The following SYTL2 variants were observed in gnomAD, a reference collection of about 807,000 sequenced individuals.
SYTL2 encodes synaptotagmin like 2.
In SYTL2, 165 loss-of-function variants were observed where a neutral mutation model predicts 198.7. That is an observed-to-expected ratio of 0.83 (90% CI 0.73 to 0.94). The LOEUF is 0.94. SYTL2 is among the 40% of genes least tolerant of loss of function. The pLI, the probability that SYTL2 is intolerant of heterozygous loss-of-function variation, is 0.00. For missense variants in SYTL2, 2,835 were observed against 2,582.8 expected (o/e 1.10, Z -2.12); for synonymous variants, 966 against 917.7 (o/e 1.05, Z -0.95).
At chr11:85,741,967 T>G (rs2090823724) in intron 4 of SYTL2, among the ~76,000 whole-genome samples, 1 of 152,120 alleles carries the variant, frequency 6.6e-6, no homozygotes, top group Non-Finnish European at 1.5e-5. Context: ...GCAAGGAAAT[T>G]TATCATTTTC....
intron 7 of SYTL2, among the ~76,000 whole-genome samples, chr11:85,731,051 G>T (rs2089762909): frequency 6.6e-6 from 1 of 152,032 alleles, no homozygotes; most frequent in Admixed American, 6.5e-5. Context: ...ATCTCTTCAA[G>T]GAGAACTACA....
intron 1 of SYTL2, among the ~76,000 whole-genome samples, chr11:85,793,705 A>G (rs2092763627): frequency 6.6e-6 from 1 of 152,220 alleles, no homozygotes; most frequent in Non-Finnish European, 1.5e-5. Flanking sequence ...TCCAACAGAC[A>G]AAGAAATAGG....
chr11:85,731,702 G>C (rs796799079), intron 7 of SYTL2, among the ~76,000 whole-genome samples: 1 of 152,142 alleles, frequency 6.6e-6, no homozygotes, highest in Non-Finnish European at 1.5e-5. Context: ...AACACCAAAA[G>C]CAATGGCAAC....
At chr11:85,813,412 C>T (rs2093057503), upstream of SYTL2, among the ~76,000 whole-genome samples, 2 of 152,170 alleles carry the variant, frequency 1.3e-5, no homozygotes, top group African/African-American at 2.4e-5. Context: ...ATACAGTGCA[C>T]TGAAAAAGCC....
chr11:85,704,806 C>G, intron 16 of SYTL2, 52 bp downstream of exon 16: 1 of 1,499,750 alleles, frequency 6.7e-7, no homozygotes, highest in South Asian at 1.2e-5. Context: ...TTCCTATACA[C>G]TAGGTACCAC....
At position 85,700,534 on chromosome 11, in the gene SYTL2, A is replaced by T; in HGVS notation, c.6249T>A (p.Tyr2083Ter). ...ACATACCAGGGACTGGCTCTGGGAC[A>T]TACTGGAGAGCTAGTTTCATTTCAC... ...NRGEMKLALQ[Y>*]VPEPVPGKKL... The change falls in exon 17 of 20, where the codon TAT becomes TAA. Residue 2083 changes from tyrosine to a stop codon, truncating the protein, a stop_gained. Coordinates refer to ENST00000359152, the MANE Select transcript of SYTL2 (RefSeq NM_206927.4). LOFTEE classifies it high-confidence loss of function. 6.2e-7 allele frequency: 1 copy of T among 1,613,916 alleles called. No homozygotes were observed. Among genetic ancestry groups the T allele is most frequent in the Non-Finnish European group, 8.5e-7 (1 of 1,179,822 alleles).
chr11:85,815,083 T>C (rs2153669012), upstream of SYTL2, among the ~76,000 whole-genome samples: 1 of 152,294 alleles, frequency 6.6e-6, no homozygotes, highest in South Asian at 2.1e-4. Context: ...TCTCCCCACC[T>C]CATTGATACC....
At chr11:85,827,492 G>A in the SYTL2 span, among the ~76,000 whole-genome samples, 2 of 152,094 alleles carry the variant, frequency 1.3e-5, no homozygotes, top group African/African-American at 4.8e-5. Flanking sequence ...TCCAGGGGCT[G>A]TTCTCTCTGC....
intron 1 of SYTL2, among the ~76,000 whole-genome samples, chr11:85,775,777 A>C (rs1023666311): frequency 1.3e-5 from 2 of 152,182 alleles, no homozygotes; most frequent in Non-Finnish European, 2.9e-5. Flanking sequence ...CACCATGCCC[A>C]GCCCACCCTT....
intron 1 of SYTL2, among the ~76,000 whole-genome samples, chr11:85,773,946 A>G (rs2092406722): frequency 8.6e-6 from 1 of 115,814 alleles, no homozygotes; most frequent in East Asian, 2.4e-4. Flanking sequence ...GTTAGAAATG[A>G]TGTCCAGCTA....
the SYTL2 span, among the ~76,000 whole-genome samples, chr11:85,852,343 G>A: frequency 6.6e-6 from 1 of 152,092 alleles, no homozygotes; most frequent in Admixed American, 6.5e-5. Context: ...GTAAAAGAAA[G>A]TTGTCTGCCT....
chr11:85,846,127 G>C, the SYTL2 span, among the ~76,000 whole-genome samples: 2 of 152,160 alleles, frequency 1.3e-5, no homozygotes, highest in African/African-American at 4.8e-5. Context: ...ATAAGGTGGG[G>C]TCAGCTAGAA....
intron 14 of SYTL2, 47 bp from the exon 15 acceptor site, chr11:85,707,578 T>C (rs1207341122): frequency 1.9e-5 from 23 of 1,221,942 alleles, no homozygotes; most frequent in Non-Finnish European, 2.6e-5. Context: ...ATAAAAGTTA[T>C]GTTTCCACCT....
Position 85,726,038 on chromosome 11 carries a change from T to G in SYTL2, c.3320A>C (p.Lys1107Thr), listed in dbSNP as rs1280482683. Residue 1107 changes from lysine to threonine, a missense_variant, in exon 8 of 20, where the codon AAG becomes ACG. Physicochemically the swap from Lys to Thr is moderately conservative, Grantham distance 78 (BLOSUM62 -1). Transcript: ENST00000359152. ...GIVTPVFKEEKDYSEQEIQES... is the reference protein window; with the variant it reads ...GIVTPVFKEETDYSEQEIQES... ...TTGAATCTCTTGTTCTGAGTAATCC[T>G]TTTCTTCCTTAAACACTGGAGTAAC... The G allele has an allele frequency of 1.2e-6, 2 of 1,612,540 alleles. No individual in the cohort carries two copies. Among genetic ancestry groups the G allele is most frequent in the Admixed American group, 3.3e-5 (2 of 59,750 alleles).
intron 11 of SYTL2, among the ~76,000 whole-genome samples, chr11:85,716,095 C>T (rs1490033694): frequency 6.6e-6 from 1 of 152,104 alleles, no homozygotes; most frequent in Non-Finnish European, 1.5e-5. Flanking sequence ...AGTCTATGTG[C>T]CTTGACCAAT....
At chr11:85,753,765 TTAAAAAA>T (rs1272783438) in intron 2 of SYTL2, among the ~76,000 whole-genome samples, 3 of 101,842 alleles carry the variant, frequency 2.9e-5, no homozygotes, top group East Asian at 3.0e-4. Context: ...ACTCTCTTTT[TTAAAAAA>T]AAAAAAAAAA....
At chr11:85,706,454 G>A (rs1367844127) in intron 15 of SYTL2, among the ~76,000 whole-genome samples, 1 of 152,178 alleles carries the variant, frequency 6.6e-6, no homozygotes, top group Non-Finnish European at 1.5e-5. Context: ...GATTACTGAG[G>A]CAGCAGACAG....
chr11:85,745,548 T>C, intron 4 of SYTL2, 89 bp downstream of exon 4: 1 of 1,448,936 alleles, frequency 6.9e-7, no homozygotes, highest in South Asian at 1.3e-5. Context: ...CAGTCTGGCA[T>C]CTGTACTCAT....
intron 11 of SYTL2, among the ~76,000 whole-genome samples, chr11:85,716,015 A>T (rs2087175184): frequency 6.6e-6 from 1 of 152,192 alleles, no homozygotes; most frequent in African/African-American, 2.4e-5. Flanking sequence ...GTGAAAAGGC[A>T]CTAACAGTCA....
Sources: gnomAD v4.1 joint callset for allele counts (sites outside exome capture counted in the v4.1 genomes callset) on GRCh38, gnomAD v4.1.1 for gene constraint, MANE v1.5 for transcripts, NCBI Gene and HGNC (gene_info 2026-07-23, HGNC 2026-07-21) for gene names.